The following OPHN1 variants were observed in gnomAD, a reference collection of about 807,000 sequenced individuals.
OPHN1 encodes the protein oligophrenin 1, also known as oligophrenin-1.
In OPHN1, 11 loss-of-function variants were observed where a neutral mutation model predicts 60.7. The observed-to-expected ratio is 0.18, with a 90% CI of 0.11 to 0.30. The LOEUF (loss-of-function observed/expected upper bound fraction) is 0.30, where lower values mean the gene tolerates loss of function less well. Among genes scored for constraint, OPHN1 ranks in the 10% least tolerant of loss-of-function variants. The pLI, the probability that OPHN1 is intolerant of heterozygous loss-of-function variation, is 1.00. For missense variants in OPHN1, 449 were observed against 611.0 expected (o/e 0.73, Z 2.80); for synonymous variants, 226 against 222.6 (o/e 1.02, Z -0.14).
At chrX:68,395,184 G>A (rs1006366234) in intron 2 of OPHN1, among the ~76,000 whole-genome samples, 7 of 94,884 alleles carry the variant, frequency 7.4e-5, no homozygotes, top group Admixed American at 1.2e-4. Context: ...CTCAAACTCC[G>A]GACCTCAAGC....
chrX:68,269,969 T>C (rs2077957968), intron 5 of OPHN1, among the ~76,000 whole-genome samples: 1 of 111,832 alleles, frequency 8.9e-6, no homozygotes, highest in South Asian at 3.8e-4. Context: ...ATTTATGCAG[T>C]CAACAGACAC....
rs771623961 is a variant in OPHN1 at position 68,266,077 on chromosome X, G to T, written c.384+8661C>A. ...TTGGTGTACCTGAAAGTGACGGGGA[G>T]AATGGAACCAAGTTGGAAAACACTC... On this transcript the variant is annotated intron_variant, in intron 5 of 24. Transcript: ENST00000355520. 4.7e-3 allele frequency among the ~76,000 whole-genome samples: 529 copies of T among 111,761 alleles called. 3 individuals carry two copies. The highest frequency in any genetic ancestry group is 7.6e-3 in the Non-Finnish European group (403 of 53,137).
intron 5 of OPHN1, among the ~76,000 whole-genome samples, chrX:68,267,846 G>T (rs1394255141): frequency 5.4e-5 from 6 of 111,493 alleles, no homozygotes; most frequent in Non-Finnish European, 1.1e-4. Flanking sequence ...AAATGATAAA[G>T]GGGATATCAC....
chrX:68,108,823 A>G (rs1217136195), intron 18 of OPHN1, among the ~76,000 whole-genome samples: 1 of 111,395 alleles, frequency 9.0e-6, no homozygotes, highest in Non-Finnish European at 1.9e-5. Context: ...TACGGTTTAT[A>G]ATTTTTGATT....
intron 15 of OPHN1, among the ~76,000 whole-genome samples, chrX:68,181,670 T>A (rs865817704): frequency 9.1e-6 from 1 of 109,867 alleles, no homozygotes; most frequent in Non-Finnish European, 1.9e-5. Context: ...ACTAAAAATT[T>A]AAAAAAAATT....
chrX:68,245,873 C>T (rs968595910), intron 5 of OPHN1, among the ~76,000 whole-genome samples: 2 of 111,600 alleles, frequency 1.8e-5, no homozygotes, highest in African/African-American at 3.3e-5. Context: ...GTGCAATCTC[C>T]GCTCACCACA....
chrX:68,377,361 G>A (rs2078564673), intron 2 of OPHN1, among the ~76,000 whole-genome samples: 1 of 109,188 alleles, frequency 9.2e-6, no homozygotes, highest in African/African-American at 3.3e-5. Flanking sequence ...CTCCCAAAGT[G>A]CTGGGATTAC....
At chrX:68,156,746 G>T (rs1216751184) in intron 15 of OPHN1, among the ~76,000 whole-genome samples, 1 of 111,501 alleles carries the variant, frequency 9.0e-6, no homozygotes, top group Non-Finnish European at 1.9e-5. Flanking sequence ...AAAACAATAT[G>T]ACTTGAAAAA....
chrX:68,325,219 C>CA (rs1341064035), intron 2 of OPHN1, among the ~76,000 whole-genome samples: 1 of 109,841 alleles, frequency 9.1e-6, no homozygotes, highest in Non-Finnish European at 1.9e-5. Context: ...TGAACTCAGT[C>CA]ATTCAATAGA....
chrX:68,314,684 CA>C (rs201692633), intron 2 of OPHN1, among the ~76,000 whole-genome samples: 1 of 108,092 alleles, frequency 9.3e-6, no homozygotes, highest in Non-Finnish European at 1.9e-5. Context: ...AAAAACACTA[CA>C]AAAAAAAACG....
intron 2 of OPHN1, among the ~76,000 whole-genome samples, chrX:68,385,554 G>C (rs768926042): frequency 1.8e-5 from 2 of 111,915 alleles, no homozygotes; most frequent in Non-Finnish European, 3.8e-5. Context: ...TGTTTTGTTT[G>C]GTAAACAGAG....
intron 2 of OPHN1, chrX:68,361,112 T>C (rs2078470217): frequency 9.0e-6 from 1 of 111,729 alleles, no homozygotes; most frequent in Non-Finnish European, 1.9e-5. Flanking sequence ...CAACTGATTG[T>C]TCACAGTCAG....
At chrX:68,404,949 G>A (rs993782092) in intron 2 of OPHN1, among the ~76,000 whole-genome samples, 1 of 111,552 alleles carries the variant, frequency 9.0e-6, no homozygotes, top group Non-Finnish European at 1.9e-5. Flanking sequence ...AGTGGGTATA[G>A]AGGTTCATTG....
At chrX:68,350,716 T>TA (rs199990697) in intron 2 of OPHN1, among the ~76,000 whole-genome samples, 18,940 of 108,133 alleles carry the variant, frequency 0.18, 1,807 homozygotes, top group African/African-American at 0.35. Context: ...AGGGTCTCAC[T>TA]TGTTGCCCAG....
At chrX:68,167,853 G>A (rs1446296248) in intron 15 of OPHN1, among the ~76,000 whole-genome samples, 1 of 110,403 alleles carries the variant, frequency 9.1e-6, no homozygotes, top group Non-Finnish European at 1.9e-5. Flanking sequence ...ATCAACAGAT[G>A]AATGGATAAA....
chrX:68,060,377 T>C (rs2076888661), intron 21 of OPHN1, among the ~76,000 whole-genome samples: 1 of 111,128 alleles, frequency 9.0e-6, no homozygotes, highest in Non-Finnish European at 1.9e-5. Context: ...AGCAAGTTGT[T>C]TTGTGTCTGT....
chrX:68,232,161 C>T (rs2077731678), intron 6 of OPHN1, among the ~76,000 whole-genome samples: 1 of 111,663 alleles, frequency 9.0e-6, no homozygotes, highest in Non-Finnish European at 1.9e-5. Flanking sequence ...ACACCTAGAA[C>T]ACTCCAGAAG....
intron 6 of OPHN1, among the ~76,000 whole-genome samples, chrX:68,228,034 A>G (rs2077705692): frequency 1.8e-5 from 2 of 111,791 alleles, no homozygotes; most frequent in South Asian, 7.4e-4. Flanking sequence ...AGAAGAAAAG[A>G]GAGAAGAATC....
In OPHN1 at chrX:68,307,455, CAACAA is replaced by C. The variant is rs1160383200; in HGVS notation, c.155-8364_155-8360del. ...TGGGTGACAGAGCGAGACCCTATGTCAACAAAAAAAAAAAAAAAGGAATTTATAGC... is the reference window on the plus strand; with the variant it reads ...TGGGTGACAGAGCGAGACCCTATGTCAAAAAAAAAAAAAGGAATTTATAGC... On this transcript the variant is annotated intron_variant, in intron 2 of 24. Coordinates refer to ENST00000355520, the MANE Select transcript of OPHN1 (RefSeq NM_002547.3). 7.2e-4 allele frequency among the ~76,000 whole-genome samples: 60 copies of C among 83,584 alleles called. 1 individual carries two copies. Among genetic ancestry groups the C allele is most frequent in the African/African-American group, 2.6e-3 (57 of 22,045 alleles). 72.6% of individuals were successfully genotyped at this position (83,584 alleles called of 115,157 possible).
Sources: allele counts gnomAD v4.1 joint callset (sites outside exome capture counted in the v4.1 genomes callset), GRCh38; gene constraint gnomAD v4.1.1; transcripts MANE v1.5; gene names NCBI Gene and HGNC (gene_info 2026-07-23, HGNC 2026-07-21).